Variants in SND1 observed in about 807,000 individuals in gnomAD.
SND1 encodes staphylococcal nuclease and tudor domain containing 1, also known as staphylococcal nuclease domain-containing protein 1.
In SND1, 38 loss-of-function variants were observed where a neutral mutation model predicts 121.7. The observed-to-expected ratio is 0.31, with a 90% confidence interval of 0.24 to 0.41. The LOEUF is 0.41. Ranked by LOEUF, SND1 falls within the 10% of genes least tolerant of loss-of-function variation. SND1 has a pLI of 1.00. For missense variants in SND1, 868 were observed against 1,184.6 expected, an observed-to-expected ratio of 0.73 and a Z score of 3.92; for synonymous variants, 401 against 447.4, an observed-to-expected ratio of 0.90 and a Z score of 1.31.
intron 11 of SND1, among the ~76,000 whole-genome samples, chr7:127,821,238 G>T (rs1798541672): frequency 6.6e-6 from 1 of 152,238 alleles, no homozygotes; most frequent in Non-Finnish European, 1.5e-5. Context: ...GCCAGTGTAT[G>T]TGTGTCCTTG....
At chr7:127,758,394 C>T (rs186654663) in intron 10 of SND1, among the ~76,000 whole-genome samples, 57 of 152,254 alleles carry the variant, frequency 3.7e-4, no homozygotes, top group Non-Finnish European at 7.4e-5. Context: ...GTGTGCAAAG[C>T]GTATCTGTAG....
At chr7:127,980,946 G>T (rs1273694008) in intron 15 of SND1, among the ~76,000 whole-genome samples, 2 of 152,084 alleles carry the variant, frequency 1.3e-5, no homozygotes, top group Non-Finnish European at 2.9e-5. Flanking sequence ...AGGAACCTTT[G>T]GTGCCAAAAA....
At chr7:127,900,393 TC>T (rs199628211) in intron 13 of SND1, among the ~76,000 whole-genome samples, 2,146 of 152,272 alleles carry the variant, frequency 0.014, 49 homozygotes, top group African/African-American at 0.049. Context: ...TGCTCAGACA[TC>T]CAGCTTGGAG....
chr7:128,067,175 C>T (rs1793331294), intron 16 of SND1, among the ~76,000 whole-genome samples: 1 of 152,186 alleles, frequency 6.6e-6, no homozygotes, highest in Non-Finnish European at 1.5e-5. Context: ...CTTTGTTCAA[C>T]TCTCATTTCC....
Position 127,718,742 on chromosome 7 carries a change from G to A in SND1, c.1039-2545G>A, listed in dbSNP as rs1412175088. 11 of 985,378 alleles carry A rather than the reference G, an allele frequency of 1.1e-5. No individual in the cohort carries two copies. In the East Asian group the frequency reaches 7.9e-4, roughly 71 times the overall value. The allele number at this position is 985,378 out of a possible 1,614,324, so 61.0% of individuals were successfully genotyped here. On this transcript the variant is annotated intron_variant, in intron 9 of 23. Coordinates refer to ENST00000354725, the MANE Select transcript of SND1 (RefSeq NM_014390.4). Reference sequence around the variant, plus strand: ...GGACATCCTTAGATCTTCATGTTCTGTAATCAGCAGGTAAAGGTGTGAGCA... The same window carrying A: ...GGACATCCTTAGATCTTCATGTTCTATAATCAGCAGGTAAAGGTGTGAGCA...
At chr7:127,768,035 G>A (rs1388238026) in intron 10 of SND1, among the ~76,000 whole-genome samples, 1 of 152,148 alleles carries the variant, frequency 6.6e-6, no homozygotes, top group Non-Finnish European at 1.5e-5. Flanking sequence ...ATACGTACCT[G>A]TCAGCCCCTG....
At chr7:127,805,117 C>G (rs368549847) in intron 10 of SND1, among the ~76,000 whole-genome samples, 1 of 152,190 alleles carries the variant, frequency 6.6e-6, no homozygotes, top group Non-Finnish European at 1.5e-5. Context: ...GATTTGTAAT[C>G]TATTTTTATA....
chr7:127,891,074 G>A (rs925486001), intron 13 of SND1, among the ~76,000 whole-genome samples: 1 of 152,098 alleles, frequency 6.6e-6, no homozygotes, highest in Admixed American at 6.6e-5. Context: ...TGAGCCCCAG[G>A]ACTCTAAGCC....
At chr7:128,031,592 G>A (rs1391920792) in intron 16 of SND1, 2 of 150,002 alleles carry the variant, frequency 1.3e-5, no homozygotes, top group East Asian at 3.9e-4. Flanking sequence ...CGGCACGCGG[G>A]GCGGCGCTCC....
At chr7:127,834,611 G>C (rs765409553) in intron 11 of SND1, among the ~76,000 whole-genome samples, 13 of 152,024 alleles carry the variant, frequency 8.6e-5, no homozygotes, top group Non-Finnish European at 1.9e-4. Flanking sequence ...ATAGAGGGAT[G>C]GTGTGGTATG....
chr7:128,058,203 G>T (rs917886074), intron 16 of SND1, among the ~76,000 whole-genome samples: 1 of 152,264 alleles, frequency 6.6e-6, no homozygotes, highest in Non-Finnish European at 1.5e-5. Context: ...GAACAACAGA[G>T]CTCAGTCACT....
chr7:127,854,833 G>A (rs1205373878), intron 12 of SND1, among the ~76,000 whole-genome samples: 1 of 151,738 alleles, frequency 6.6e-6, no homozygotes. Context: ...ATAAATTTTT[G>A]TAACTCACAG....
At chr7:127,836,018 T>C (rs1798860762) in intron 11 of SND1, among the ~76,000 whole-genome samples, 1 of 152,166 alleles carries the variant, frequency 6.6e-6, no homozygotes, top group Admixed American at 6.6e-5. Context: ...AGTTTGTGTA[T>C]GCTCCTAATT....
intron 1 of SND1, among the ~76,000 whole-genome samples, chr7:127,669,374 A>G (rs1795475390): frequency 6.6e-6 from 1 of 152,052 alleles, no homozygotes. Context: ...TAACCACTCA[A>G]TTGATTATTT....
chr7:127,745,071 A>G (rs1314015008), intron 10 of SND1, among the ~76,000 whole-genome samples: 1 of 152,234 alleles, frequency 6.6e-6, no homozygotes, highest in Non-Finnish European at 1.5e-5. Context: ...TGGTAAGTAG[A>G]AAGATACTCA....
chr7:128,053,756 C>G (rs1793088101), intron 16 of SND1, among the ~76,000 whole-genome samples: 1 of 152,054 alleles, frequency 6.6e-6, no homozygotes, highest in Non-Finnish European at 1.5e-5. Flanking sequence ...TGCTGGTCCT[C>G]AAAGGGCCTT....
intron 16 of SND1, chr7:128,031,464 AGAG>A (rs1472690192): frequency 2.0e-5 from 3 of 151,718 alleles, no homozygotes; most frequent in African/African-American, 7.3e-5. Context: ...GCGAGAGTTA[AGAG>A]GAGGTGTTCG....
intron 16 of SND1, chr7:128,030,865 C>T (rs959679377): frequency 1.7e-5 from 9 of 518,224 alleles, no homozygotes; most frequent in Admixed American, 7.3e-5. Flanking sequence ...CCGAAAGCTA[C>T]GACTCTCCCA....
At chr7:127,815,268 G>A (rs1320479435) in intron 11 of SND1, among the ~76,000 whole-genome samples, 1 of 152,046 alleles carries the variant, frequency 6.6e-6, no homozygotes, top group Non-Finnish European at 1.5e-5. Context: ...AATTAGTTAA[G>A]GTAAAATTAA....
Sources: gnomAD v4.1 joint callset for allele counts (sites outside exome capture counted in the v4.1 genomes callset) on GRCh38, gnomAD v4.1.1 for gene constraint, MANE v1.5 for transcripts, NCBI Gene and HGNC (gene_info 2026-07-23, HGNC 2026-07-21) for gene names.